Variants in NREP observed in about 807,000 individuals in gnomAD.
NREP encodes the protein neuronal regeneration related protein.
Under a neutral mutation model 8.6 loss-of-function variants are expected in NREP, and 5 were observed. The ratio of observed to expected loss-of-function variants is 0.58; its 90% CI spans 0.30 to 1.22. NREP has a LOEUF of 1.22. Ranked by LOEUF, NREP falls within the 50% of genes most tolerant of loss-of-function variation. The pLI is 0.07. For missense variants in NREP, 86 were observed against 82.5 expected (o/e 1.04, Z -0.17); for synonymous variants, 27 against 28.0 (o/e 0.96, Z 0.11).
chr5:111,972,311 A>C (rs937915590), intron 2 of NREP, among the ~76,000 whole-genome samples: 1 of 152,228 alleles, frequency 6.6e-6, no homozygotes, highest in Non-Finnish European at 1.5e-5. Context: ...TACAGTCATT[A>C]TGAAAAACAG....
chr5:111,756,048 A>G, intron 1 of NREP: 1 of 1,274,820 alleles, frequency 7.8e-7, no homozygotes, highest in Non-Finnish European at 1.0e-6. Context: ...GGCTTTGCAG[A>G]GTCCTGGGCT....
intron 1 of NREP, among the ~76,000 whole-genome samples, chr5:111,756,571 G>T (rs950210506): frequency 2.6e-5 from 4 of 152,020 alleles, no homozygotes; most frequent in African/African-American, 9.7e-5. Context: ...ATGCACATCA[G>T]ATTATTATAA....
At chr5:111,903,395 T>C (rs1468523092) in intron 2 of NREP, among the ~76,000 whole-genome samples, 1 of 152,010 alleles carries the variant, frequency 6.6e-6, no homozygotes, top group African/African-American at 2.4e-5. Flanking sequence ...CTCCATGAAA[T>C]TTTTGAAGTT....
At chr5:111,734,522 T>G (rs1748923269) in intron 3 of NREP, 3 of 433,454 alleles carry the variant, frequency 6.9e-6, no homozygotes, top group Non-Finnish European at 8.2e-6. Flanking sequence ...GATTTAAGAT[T>G]GTTTTCTTTC....
upstream of NREP, chr5:111,757,701 G>C: frequency 2.0e-6 from 2 of 984,460 alleles, no homozygotes; most frequent in South Asian, 4.7e-5. Context: ...GGGAGACAAA[G>C]CGGACCCGCA....
intron 2 of NREP, among the ~76,000 whole-genome samples, chr5:111,836,792 T>C (rs1245084392): frequency 6.6e-6 from 1 of 152,040 alleles, no homozygotes; most frequent in Admixed American, 6.6e-5. Context: ...AAAAAGAGTA[T>C]GTACATTTTT....
upstream of NREP, among the ~76,000 whole-genome samples, chr5:111,758,869 T>G (rs1029930863): frequency 6.6e-6 from 1 of 152,252 alleles, no homozygotes; most frequent in Non-Finnish European, 1.5e-5. Context: ...CCTTTAAAAC[T>G]ACAAAGCCAT....
At chr5:111,886,600 A>G (rs1308846533) in intron 2 of NREP, among the ~76,000 whole-genome samples, 1 of 151,300 alleles carries the variant, frequency 6.6e-6, no homozygotes, top group Non-Finnish European at 1.5e-5. Flanking sequence ...AGACTGGATT[A>G]AGAAAATGTG....
At chr5:111,814,273 C>G (rs548055090) in intron 2 of NREP, among the ~76,000 whole-genome samples, 1 of 152,248 alleles carries the variant, frequency 6.6e-6, no homozygotes, top group Non-Finnish European at 1.5e-5. Context: ...AGTTAAGTCT[C>G]TGACTTATCT....
At chr5:111,771,511 C>T (rs1374714782) in intron 2 of NREP, among the ~76,000 whole-genome samples, 1 of 151,670 alleles carries the variant, frequency 6.6e-6, no homozygotes, top group Non-Finnish European at 1.5e-5. Flanking sequence ...GCCTGTAATC[C>T]CAGCATTTTG....
chr5:111,827,870 C>A (rs1423131858), intron 2 of NREP, among the ~76,000 whole-genome samples: 1 of 151,912 alleles, frequency 6.6e-6, no homozygotes, highest in East Asian at 1.9e-4. Context: ...AAACAAAAAA[C>A]AACAACAAAA....
intron 2 of NREP, among the ~76,000 whole-genome samples, chr5:111,894,575 C>A (rs1053573492): frequency 1.3e-5 from 2 of 152,042 alleles, no homozygotes; most frequent in South Asian, 4.1e-4. Context: ...AGCAGCTTTC[C>A]AAGACCACAG....
At chr5:111,796,494 A>T (rs1468780536) in intron 2 of NREP, among the ~76,000 whole-genome samples, 1 of 152,196 alleles carries the variant, frequency 6.6e-6, no homozygotes, top group Non-Finnish European at 1.5e-5. Context: ...CAAAGTCTCT[A>T]AGCCGAGAAG....
intron 2 of NREP, among the ~76,000 whole-genome samples, chr5:111,837,076 A>AT (rs1353246454): frequency 2.0e-5 from 3 of 152,130 alleles, no homozygotes; most frequent in African/African-American, 7.2e-5. Context: ...TTCTGACATC[A>AT]GTGGAAATTC....
At chr5:111,873,471 A>G (rs1753835210) in intron 2 of NREP, among the ~76,000 whole-genome samples, 1 of 152,158 alleles carries the variant, frequency 6.6e-6, no homozygotes, top group Non-Finnish European at 1.5e-5. Context: ...GATTTGGTTC[A>G]TTTCATTTGT....
chr5:111,960,405 T>A (rs1756447190), intron 2 of NREP, among the ~76,000 whole-genome samples: 1 of 152,162 alleles, frequency 6.6e-6, no homozygotes, highest in African/African-American at 2.4e-5. Context: ...TGAGACACAC[T>A]GATCAATTAG....
intron 3 of NREP, 200 bp downstream of exon 3, chr5:111,735,230 G>A: frequency 2.3e-6 from 1 of 435,886 alleles, no homozygotes. Context: ...CATTTATGAA[G>A]GAAGATAATG....
At chr5:111,776,238 G>T (rs980336890) in intron 2 of NREP, among the ~76,000 whole-genome samples, 1 of 152,124 alleles carries the variant, frequency 6.6e-6, no homozygotes, top group Non-Finnish European at 1.5e-5. Flanking sequence ...GATAATTTAT[G>T]TCAAGGGGTA....
At chr5:111,963,911 T>A (rs1323999014) in intron 2 of NREP, among the ~76,000 whole-genome samples, 1 of 152,196 alleles carries the variant, frequency 6.6e-6, no homozygotes, top group Non-Finnish European at 1.5e-5. Flanking sequence ...AAGGACTTTT[T>A]AAAAAATTCT....
Sources: gnomAD v4.1 joint callset for allele counts (sites outside exome capture counted in the v4.1 genomes callset) on GRCh38, gnomAD v4.1.1 for gene constraint, MANE v1.5 for transcripts, NCBI Gene and HGNC (gene_info 2026-07-23, HGNC 2026-07-21) for gene names.